Variants in RNGTT observed in about 807,000 individuals in gnomAD.
The protein encoded by RNGTT is RNA guanylyltransferase and 5'-phosphatase.
Under a neutral mutation model 79.3 loss-of-function variants are expected in RNGTT, and 33 were observed. That is an observed-to-expected ratio of 0.42 (90% CI 0.32 to 0.56). The LOEUF is 0.56. Among genes scored for constraint, RNGTT ranks in the 20% least tolerant of loss-of-function variants. The pLI is 0.17. For missense variants in RNGTT, 497 were observed against 739.1 expected, an observed-to-expected ratio of 0.67 and a Z score of 3.80; for synonymous variants, 222 against 235.9, an observed-to-expected ratio of 0.94 and a Z score of 0.54.
intron 4 of RNGTT, among the ~76,000 whole-genome samples, chr6:88,919,853 G>C (rs990279897): frequency 1.3e-5 from 2 of 151,694 alleles, no homozygotes; most frequent in African/African-American, 2.4e-5. Flanking sequence ...ACCACGCCTG[G>C]CTAATTTTGT....
chr6:88,866,536 C>T (rs1424797313), intron 8 of RNGTT, among the ~76,000 whole-genome samples: 1 of 152,132 alleles, frequency 6.6e-6, no homozygotes, highest in Non-Finnish European at 1.5e-5. Context: ...TAGCAAGAAG[C>T]TTCTACCTCA....
chr6:88,695,544 A>C (rs1775632335), intron 13 of RNGTT, among the ~76,000 whole-genome samples: 1 of 152,188 alleles, frequency 6.6e-6, no homozygotes, highest in Admixed American at 6.6e-5. Flanking sequence ...TTTGTATACT[A>C]TTGGTGGGAA....
intron 14 of RNGTT, among the ~76,000 whole-genome samples, chr6:88,672,276 T>G (rs900019517): frequency 6.6e-6 from 1 of 151,538 alleles, no homozygotes; most frequent in Admixed American, 6.6e-5. Flanking sequence ...TATATATAAA[T>G]GTATACACAT....
At chr6:88,747,990 C>T (rs1239060084) in intron 13 of RNGTT, among the ~76,000 whole-genome samples, 2 of 152,130 alleles carry the variant, frequency 1.3e-5, no homozygotes, top group Admixed American at 6.6e-5. Flanking sequence ...TTTAGTTTAA[C>T]TAAACTAACA....
intron 11 of RNGTT, among the ~76,000 whole-genome samples, chr6:88,811,390 T>C (rs1780132271): frequency 6.6e-6 from 1 of 152,200 alleles, no homozygotes; most frequent in African/African-American, 2.4e-5. Flanking sequence ...TGAAATATCC[T>C]ACAGAGGGCA....
intron 8 of RNGTT, among the ~76,000 whole-genome samples, chr6:88,884,465 ACAAAAAGAAATG>A (rs1230448690): frequency 6.6e-6 from 1 of 152,228 alleles, no homozygotes; most frequent in Admixed American, 6.5e-5. Flanking sequence ...GCTCATCTGT[ACAAAAAGAAATG>A]CAAGAAGGGT....
chr6:88,900,756 A>T (rs1354901191), intron 6 of RNGTT, among the ~76,000 whole-genome samples: 3 of 135,380 alleles, frequency 2.2e-5, no homozygotes, highest in Non-Finnish European at 4.6e-5. Flanking sequence ...TAAAAAGAAT[A>T]AAAAAAAAAA....
At chr6:88,937,256 G>A (rs898329814) in intron 2 of RNGTT, among the ~76,000 whole-genome samples, 5 of 152,010 alleles carry the variant, frequency 3.3e-5, no homozygotes, top group Non-Finnish European at 5.9e-5. Context: ...TGAAGTAGAA[G>A]AATCACTTGA....
At chr6:88,924,210 C>T (rs1327006751) in intron 4 of RNGTT, among the ~76,000 whole-genome samples, 1 of 152,206 alleles carries the variant, frequency 6.6e-6, no homozygotes. Flanking sequence ...AGGGCAAAGT[C>T]CCCTAGGAGC....
intron 13 of RNGTT, among the ~76,000 whole-genome samples, chr6:88,722,777 C>T (rs1343514538): frequency 3.3e-5 from 5 of 152,042 alleles, no homozygotes; most frequent in Non-Finnish European, 2.9e-5. Flanking sequence ...TTTGGAACAA[C>T]GATATACGGT....
intron 14 of RNGTT, among the ~76,000 whole-genome samples, chr6:88,663,580 T>A (rs1176995638): frequency 6.6e-6 from 1 of 152,086 alleles, no homozygotes. Flanking sequence ...CGACCCCACA[T>A]CAGAGGATGC....
intron 13 of RNGTT, among the ~76,000 whole-genome samples, chr6:88,756,429 T>C (rs1449330551): frequency 6.6e-6 from 1 of 151,966 alleles, no homozygotes; most frequent in Non-Finnish European, 1.5e-5. Flanking sequence ...GCCAAGATCA[T>C]GCCACTGCAT....
At chr6:88,675,665 C>T (rs757159022) in intron 14 of RNGTT, among the ~76,000 whole-genome samples, 1 of 150,050 alleles carries the variant, frequency 6.7e-6, no homozygotes, top group Non-Finnish European at 1.5e-5. Context: ...AACTAATAAT[C>T]GAGTATAAGA....
At chr6:88,834,693 AG>A (rs1325016797) in intron 11 of RNGTT, among the ~76,000 whole-genome samples, 1 of 152,190 alleles carries the variant, frequency 6.6e-6, no homozygotes, top group African/African-American at 2.4e-5. Flanking sequence ...ACACTGATAC[AG>A]TCATAGAACA....
intron 4 of RNGTT, among the ~76,000 whole-genome samples, chr6:88,925,026 G>T (rs1434132367): frequency 1.3e-5 from 2 of 150,500 alleles, no homozygotes; most frequent in African/African-American, 2.4e-5. Flanking sequence ...CACCTGTTGT[G>T]TTTTTTTTTA....
intron 14 of RNGTT, 137 bp downstream of exon 14, chr6:88,678,216 C>G: frequency 1.5e-6 from 2 of 1,330,856 alleles, no homozygotes; most frequent in Non-Finnish European, 1.9e-6. Context: ...CTCCTGGGCT[C>G]AAGTGATCCA....
rs191500015 is a variant in RNGTT at position 88,822,044 on chromosome 6, A to G, written c.1270-20412T>C. Among the ~76,000 whole-genome samples the G allele has an allele frequency of 7.8e-3, 1,183 of 152,334 alleles. 7 individuals are homozygous for G. Among genetic ancestry groups the G allele is most frequent in the African/African-American group, 0.026 (1,094 of 41,580 alleles). On this transcript the variant is annotated intron_variant, in intron 11 of 15. Coordinates refer to ENST00000369485, the MANE Select transcript of RNGTT (RefSeq NM_003800.5). The stretch of plus-strand genomic sequence containing the variant: ...TAAAACATTCTGTTAAGTGCTGTGC[A>G]GTCAGGGGAAGGGCCAAAAAGTGAA...
intron 11 of RNGTT, among the ~76,000 whole-genome samples, chr6:88,809,226 G>T (rs1448520123): frequency 6.6e-6 from 1 of 151,992 alleles, no homozygotes; most frequent in Non-Finnish European, 1.5e-5. Flanking sequence ...CTTAAAAAAA[G>T]CTTCAAAATA....
At chr6:88,833,145 T>C (rs1161464564) in intron 11 of RNGTT, among the ~76,000 whole-genome samples, 3 of 152,248 alleles carry the variant, frequency 2.0e-5, no homozygotes, top group South Asian at 2.1e-4. Context: ...TGCAGCACTA[T>C]TCACAATAGC....
Sources: allele counts gnomAD v4.1 joint callset (sites outside exome capture counted in the v4.1 genomes callset), GRCh38; gene constraint gnomAD v4.1.1; transcripts MANE v1.5; gene names NCBI Gene and HGNC (gene_info 2026-07-23, HGNC 2026-07-21).